ZFHX3: variants seen among roughly 807,000 people sequenced by gnomAD.
The protein encoded by ZFHX3 is zinc finger homeobox 3, also known as zinc finger homeobox protein 3.
In ZFHX3, 42 loss-of-function variants were observed where a neutral mutation model predicts 279.1. The ratio of observed to expected loss-of-function variants is 0.15; its 90% confidence interval spans 0.12 to 0.19. ZFHX3 has a LOEUF of 0.19. Ranked by LOEUF, ZFHX3 falls within the 10% of genes least tolerant of loss-of-function variation. ZFHX3 has a pLI of 1.00. For missense variants in ZFHX3, 4,981 were observed against 4,754.0 expected (o/e 1.05, Z -1.40); for synonymous variants, 2,293 against 1,957.8 (o/e 1.17, Z -4.52).
At chr16:73,502,866 C>A (rs2019263632) in intron 2 of ZFHX3, among the ~76,000 whole-genome samples, 1 of 152,234 alleles carries the variant, frequency 6.6e-6, no homozygotes, top group Non-Finnish European at 1.5e-5. Context: ...ATTATTAAAA[C>A]AGTGCCTATT....
chr16:73,057,005 G>A (rs1305867862), intron 1 of ZFHX3, among the ~76,000 whole-genome samples: 1 of 152,104 alleles, frequency 6.6e-6, no homozygotes, highest in African/African-American at 2.4e-5. Flanking sequence ...AGCGATCACC[G>A]TCTGTCATAT....
At chr16:73,799,890 C>T (rs1482767519) in intron 1 of ZFHX3, among the ~76,000 whole-genome samples, 4 of 151,944 alleles carry the variant, frequency 2.6e-5, no homozygotes, top group Non-Finnish European at 4.4e-5. Context: ...ATAACGTACA[C>T]GAATAATAAC....
chr16:73,244,174 C>T lies in ZFHX3; in HGVS notation c.-1104+12873G>A, dbSNP rs551312843. 5.9e-5 allele frequency among the ~76,000 whole-genome samples: 9 copies of T among 152,168 alleles called. No individual in the cohort carries two copies. The East Asian group carries it at 9.7e-4, about 16-fold the overall frequency. Reference sequence around the variant, plus strand: ...ATGGGAAGTGGCAGCACTGGTCCATCGGAGGAGGGTTTTTGGGAATATTTT... The same window carrying T: ...ATGGGAAGTGGCAGCACTGGTCCATTGGAGGAGGGTTTTTGGGAATATTTT... On this transcript the variant is annotated intron_variant, in intron 5 of 17. Transcript: ENST00000641206.
intron 4 of ZFHX3, among the ~76,000 whole-genome samples, chr16:72,882,009 G>A (rs191476477): frequency 1.4e-4 from 21 of 152,148 alleles, no homozygotes; most frequent in Admixed American, 1.0e-3. Flanking sequence ...GCTCCCTTGG[G>A]GGTCCCCATG....
chr16:73,548,364 G>C (rs903510005), intron 2 of ZFHX3, among the ~76,000 whole-genome samples: 5 of 152,096 alleles, frequency 3.3e-5, no homozygotes, highest in Non-Finnish European at 7.4e-5. Flanking sequence ...TCTTGCAACA[G>C]CTTTTCACTA....
rs927529274 is a variant in ZFHX3 at position 73,273,913 on chromosome 16, C to T, written c.-1193-16777G>A. On this transcript the variant is annotated intron_variant, in intron 4 of 17. Coordinates refer to the ZFHX3 transcript ENST00000641206. ...ATCCCAGCACTTTGGGAGGCCGAGG[C>T]GGGTGGATCACCCGAGGTCAGGAGT... Among the ~76,000 whole-genome samples, 7 of 152,186 alleles carry T rather than the reference C, an allele frequency of 4.6e-5. 1 individual carries two copies. Among genetic ancestry groups the T allele is most frequent in the South Asian group, 4.2e-4 (2 of 4,800 alleles).
chr16:72,825,657 TGCCTGGCACAGGGTTAGA>T (rs1355852573), intron 5 of ZFHX3, among the ~76,000 whole-genome samples: 1 of 152,228 alleles, frequency 6.6e-6, no homozygotes, highest in Non-Finnish European at 1.5e-5. Context: ...TCTAGAATGG[TGCCTGGCACAGGGTTAGA>T]GCTTTATGCA....
chr16:72,926,413 A>T (rs778352359), intron 3 of ZFHX3, among the ~76,000 whole-genome samples: 11 of 152,222 alleles, frequency 7.2e-5, no homozygotes, highest in Non-Finnish European at 1.3e-4. Flanking sequence ...TCCACTTTCC[A>T]AACACTTGTG....
At chr16:73,877,848 G>C (rs1336941937) in intron 1 of ZFHX3, among the ~76,000 whole-genome samples, 3 of 151,814 alleles carry the variant, frequency 2.0e-5, no homozygotes, top group African/African-American at 7.3e-5. Context: ...CACACACAAA[G>C]ACATACACAA....
chr16:73,290,731 T>C (rs1306165299), intron 4 of ZFHX3, among the ~76,000 whole-genome samples: 2 of 152,258 alleles, frequency 1.3e-5, no homozygotes, highest in East Asian at 1.9e-4. Flanking sequence ...TCAGTGTAGA[T>C]AGAGGAGGAA....
chr16:72,871,342 A>ATT (rs539356987), intron 4 of ZFHX3, among the ~76,000 whole-genome samples: 22 of 119,176 alleles, frequency 1.8e-4, no homozygotes, highest in Admixed American at 5.0e-4. Context: ...TGCCCGGCTA[A>ATT]TTTTTTTTTT....
chr16:73,027,960 TCA>T (rs1964569501), intron 1 of ZFHX3, among the ~76,000 whole-genome samples: 1 of 152,036 alleles, frequency 6.6e-6, no homozygotes, highest in Non-Finnish European at 1.5e-5. Flanking sequence ...GGACCATATT[TCA>T]CAGAGCCGGG....
At chr16:72,800,486 G>T (rs1226623930) in intron 7 of ZFHX3, among the ~76,000 whole-genome samples, 5 of 152,168 alleles carry the variant, frequency 3.3e-5, no homozygotes, top group Admixed American at 6.5e-5. Context: ...ACCTTAAGCT[G>T]CTGAAAACAT....
At chr16:73,041,122 C>T (rs547915169) in intron 1 of ZFHX3, among the ~76,000 whole-genome samples, 70 of 152,324 alleles carry the variant, frequency 4.6e-4, no homozygotes, top group African/African-American at 1.6e-3. Flanking sequence ...CTCAGCCAGA[C>T]CCTGCCCTGT....
intron 4 of ZFHX3, among the ~76,000 whole-genome samples, chr16:72,882,858 G>A (rs1342426459): frequency 6.6e-6 from 1 of 152,072 alleles, no homozygotes; most frequent in Non-Finnish European, 1.5e-5. Flanking sequence ...TAACTTAGAA[G>A]CAATAGCGTC....
intron 4 of ZFHX3, among the ~76,000 whole-genome samples, chr16:72,870,543 A>G (rs1277355065): frequency 6.6e-6 from 1 of 152,110 alleles, no homozygotes; most frequent in Non-Finnish European, 1.5e-5. Flanking sequence ...CCCTGCCTCT[A>G]CTAAAAATAC....
chr16:73,019,984 G>C (rs1252958475), intron 1 of ZFHX3, among the ~76,000 whole-genome samples: 1 of 152,122 alleles, frequency 6.6e-6, no homozygotes, highest in African/African-American at 2.4e-5. Context: ...AAGCACCATG[G>C]AGACATTCCA....
intron 1 of ZFHX3, among the ~76,000 whole-genome samples, chr16:73,779,666 C>A (rs925679416): frequency 2.0e-5 from 3 of 152,194 alleles, no homozygotes; most frequent in East Asian, 3.9e-4. Context: ...AGCAGAAATG[C>A]GTTATGCTCC....
intron 1 of ZFHX3, among the ~76,000 whole-genome samples, chr16:73,766,478 G>C (rs2053945212): frequency 6.6e-6 from 1 of 152,112 alleles, no homozygotes; most frequent in Non-Finnish European, 1.5e-5. Context: ...GACATCCATA[G>C]CCCATTTCTG....
Sources: allele counts gnomAD v4.1 joint callset (sites outside exome capture counted in the v4.1 genomes callset), GRCh38; gene constraint gnomAD v4.1.1; transcripts MANE v1.5; gene names NCBI Gene and HGNC (gene_info 2026-07-23, HGNC 2026-07-21).